Variants in C9 observed in about 807,000 individuals in gnomAD.
C9 encodes the protein complement C9, also known as complement component C9.
Under a neutral mutation model 65.4 loss-of-function variants are expected in C9, and 63 were observed. The observed-to-expected ratio is 0.96, with a 90% CI of 0.79 to 1.19. The LOEUF (loss-of-function observed/expected upper bound fraction) is 1.19. Among genes scored for constraint, C9 ranks in the 50% most tolerant of loss-of-function variants. The pLI, the probability that C9 is intolerant of heterozygous loss-of-function variation, is 0.00. For synonymous variants in C9, 229 were observed against 227.9 expected (o/e 1.00, Z -0.04); for missense variants, 744 against 670.1 (o/e 1.11, Z -1.22).
Position 39,288,742 on chromosome 5 carries a change from A to T in C9, c.1626T>A (p.Ser542Arg). ...CCTCACCTTCAGAAATTTTTTGTTT[A>T]CTGATTTCACAGGCAATTCCCTCAA... ...FKFEGIACEI[S>R]KQKISEGLPA... The change falls in exon 10 of 11, where the codon AGT becomes AGA. Residue 542 changes from serine (S) to arginine (R), a missense_variant. Ser to Arg is a moderately radical substitution (Grantham distance 110). Coordinates refer to ENST00000263408, the MANE Select transcript of C9 (RefSeq NM_001737.5). 1.2e-6 allele frequency: 2 copies of T among 1,608,870 alleles called. No individual in the cohort carries two copies. The highest frequency in any genetic ancestry group is 1.7e-6 in the Non-Finnish European group (2 of 1,175,642).
chr5:39,311,305 G>T lies in C9; in HGVS notation c.943C>A (p.Leu315Ile). 6.2e-7 allele frequency: 1 copy of T among 1,612,004 alleles called. No individual in the cohort carries two copies. The highest frequency in any genetic ancestry group is 8.5e-7 in the Non-Finnish European group (1 of 1,178,210). Residue 315 changes from leucine (L) to isoleucine (I), a missense_variant, in exon 7 of 11, where the codon CTC becomes ATC. Coordinates refer to ENST00000263408, the MANE Select transcript of C9 (RefSeq NM_001737.5). ...RFVMRNRDVVLTTTFVDDIKA... is the reference protein window; with the variant it reads ...RFVMRNRDVVITTTFVDDIKA... ...ATATCATCCACAAAAGTTGTTGTGA[G>T]CACAACATCGCGATTTCTCATTACA... is the stretch of plus-strand genomic sequence containing the variant.
intron 4 of C9, among the ~76,000 whole-genome samples, chr5:39,340,575 C>T (rs1407181439): frequency 2.0e-5 from 3 of 152,136 alleles, no homozygotes; most frequent in Non-Finnish European, 4.4e-5. Flanking sequence ...TGTCCAGAGC[C>T]CCTAGGTTTT....
intron 5 of C9, among the ~76,000 whole-genome samples, chr5:39,318,077 A>G (rs936862065): frequency 6.6e-6 from 1 of 151,544 alleles, no homozygotes; most frequent in Non-Finnish European, 1.5e-5. Flanking sequence ...TGTTAGCTGT[A>G]TTCCTAGGTA....
chr5:39,354,865 A>G (rs1754388063), intron 1 of C9, among the ~76,000 whole-genome samples: 1 of 152,226 alleles, frequency 6.6e-6, no homozygotes, highest in Non-Finnish European at 1.5e-5. Flanking sequence ...ATGAAATATG[A>G]GACAAGATGC....
At chr5:39,332,310 C>A (rs964453535) in intron 4 of C9, among the ~76,000 whole-genome samples, 1 of 152,166 alleles carries the variant, frequency 6.6e-6, no homozygotes, top group Non-Finnish European at 1.5e-5. Flanking sequence ...TTTCCTCCAG[C>A]TGTCTCATTG....
chr5:39,346,919 A>C (rs1434463647), intron 1 of C9, among the ~76,000 whole-genome samples: 2 of 152,288 alleles, frequency 1.3e-5, no homozygotes, highest in South Asian at 2.1e-4. Context: ...AAAGACAAAA[A>C]CCACATGATT....
rs552217648 is a variant in C9 at position 39,314,178 on chromosome 5, G to A, written c.870+1597C>T. 1.9e-4 allele frequency among the ~76,000 whole-genome samples: 29 copies of A among 152,162 alleles called. 1 individual carries two copies. Among genetic ancestry groups the A allele is most frequent in the African/African-American group, 3.6e-4 (15 of 41,512 alleles). ...AAAAACCCTCAAGTAGGCTGGGCGC[G>A]GTGGCTCACACCTGTAATCCCAGCA... On this transcript the variant is annotated intron_variant, in intron 6 of 10. Transcript: ENST00000263408.
intron 4 of C9, among the ~76,000 whole-genome samples, chr5:39,335,045 C>T (rs1258422186): frequency 6.6e-6 from 1 of 150,722 alleles, no homozygotes; most frequent in Non-Finnish European, 1.5e-5. Flanking sequence ...AAGGTTTTGA[C>T]ACAAGCTCTC....
intron 5 of C9, among the ~76,000 whole-genome samples, chr5:39,330,422 T>C (rs1753819432): frequency 6.6e-6 from 1 of 152,150 alleles, no homozygotes; most frequent in South Asian, 2.1e-4. Context: ...GTCGTACAAG[T>C]TATTACCCCT....
chr5:39,363,003 C>T (rs140977988), intron 1 of C9, among the ~76,000 whole-genome samples: 178 of 152,270 alleles, frequency 1.2e-3, no homozygotes, highest in African/African-American at 4.0e-3. Context: ...CCAGGGGGTA[C>T]GCACTTCAAA....
chr5:39,345,630 C>A (rs1754176909), intron 1 of C9, among the ~76,000 whole-genome samples: 1 of 152,194 alleles, frequency 6.6e-6, no homozygotes, highest in African/African-American at 2.4e-5. Context: ...AGAAAGTTAA[C>A]AAGGATATCC....
At chr5:39,361,938 G>A (rs960486103) in intron 1 of C9, among the ~76,000 whole-genome samples, 10 of 152,150 alleles carry the variant, frequency 6.6e-5, no homozygotes, top group Non-Finnish European at 1.0e-4. Flanking sequence ...CAACCCTTCC[G>A]TCCTAAACAA....
chr5:39,300,817 TA>T (rs1413757551), intron 9 of C9, among the ~76,000 whole-genome samples: 1 of 152,168 alleles, frequency 6.6e-6, no homozygotes, highest in African/African-American at 2.4e-5. Context: ...ACATACCATG[TA>T]TAGAAAGACA....
At chr5:39,328,608 T>C (rs368865023) in intron 5 of C9, among the ~76,000 whole-genome samples, 1 of 152,106 alleles carries the variant, frequency 6.6e-6, no homozygotes, top group Non-Finnish European at 1.5e-5. Context: ...GTAGTCAAAA[T>C]GGATCTAGCT....
chr5:39,319,648 A>G (rs1301697347), intron 5 of C9, among the ~76,000 whole-genome samples: 1 of 152,148 alleles, frequency 6.6e-6, no homozygotes, highest in African/African-American at 2.4e-5. Context: ...CAGAATGGCC[A>G]CTGCAAATCC....
chr5:39,328,769 T>C (rs559679365), intron 5 of C9, among the ~76,000 whole-genome samples: 2 of 152,104 alleles, frequency 1.3e-5, no homozygotes, highest in Non-Finnish European at 1.5e-5. Context: ...TGTGATAAGA[T>C]GAGAGGGTTA....
chr5:39,286,037 TG>T (rs1204271809), intron 10 of C9, among the ~76,000 whole-genome samples: 1 of 152,114 alleles, frequency 6.6e-6, no homozygotes, highest in Non-Finnish European at 1.5e-5. Context: ...TGGGCCATCC[TG>T]GGTCAGGTTT....
intron 1 of C9, among the ~76,000 whole-genome samples, chr5:39,346,733 G>A (rs1363310533): frequency 6.6e-6 from 1 of 152,168 alleles, no homozygotes; most frequent in Non-Finnish European, 1.5e-5. Flanking sequence ...GAGAATTTTA[G>A]ACCAATATCT....
chr5:39,289,136 G>A (rs1466987147), intron 9 of C9, among the ~76,000 whole-genome samples, 185 bp from the exon 10 acceptor site: 2 of 151,702 alleles, frequency 1.3e-5, no homozygotes, highest in African/African-American at 4.8e-5. Flanking sequence ...TGCTATCAGG[G>A]AGGTCATATT....
Sources: allele counts gnomAD v4.1 joint callset (sites outside exome capture counted in the v4.1 genomes callset), GRCh38; gene constraint gnomAD v4.1.1; transcripts MANE v1.5; gene names NCBI Gene and HGNC (gene_info 2026-07-23, HGNC 2026-07-21).